ALS2: variants seen among roughly 807,000 people sequenced by gnomAD.
The protein encoded by ALS2 is alsin.
ALS2 carries 117 observed loss-of-function variants against 203.4 expected under a neutral mutation model. That is an observed-to-expected ratio of 0.58 (90% confidence interval 0.50 to 0.67). The LOEUF (loss-of-function observed/expected upper bound fraction) is 0.67, where lower values mean the gene tolerates loss of function less well. Ranked by LOEUF, ALS2 falls within the 30% of genes least tolerant of loss-of-function variation. ALS2 has a pLI of 0.00. For missense variants in ALS2, 1,715 were observed against 1,989.4 expected (o/e 0.86, Z 2.62); for synonymous variants, 718 against 725.9 (o/e 0.99, Z 0.17).
chr2:201,766,435 C>A (rs1244236491), intron 3 of ALS2, among the ~76,000 whole-genome samples: 4 of 151,740 alleles, frequency 2.6e-5, no homozygotes, highest in African/African-American at 9.7e-5. Flanking sequence ...CACCTGAGGT[C>A]AGGAGTTCAA....
At chr2:201,738,425 G>A in intron 12 of ALS2, 2 of 517,254 alleles carry the variant, frequency 3.9e-6, no homozygotes, top group South Asian at 2.1e-5. Context: ...AAAGTCTCAA[G>A]GATAGCACAG....
In ALS2 at chr2:201,707,942, CAG is replaced by C; in HGVS notation, c.4328_4329del (p.Ser1443CysfsTer20). ...GACTTCCTTTCGGTTGGCAGAGGAG[CAG>C]AGAGAGGAATTGTGCTGCCTTCTTC... is the stretch of plus-strand genomic sequence containing the variant. ...LPEEGSTIPL[S>X]APLPTERKSF... is the part of the protein sequence containing the mutation. On this transcript the variant is annotated frameshift_variant, in exon 28 of 34. Coordinates refer to ENST00000264276, the MANE Select transcript of ALS2 (RefSeq NM_020919.4). LOFTEE classifies it high-confidence loss of function. 1 of 1,613,340 alleles carries C rather than the reference CAG, an allele frequency of 6.2e-7. No individual in the cohort carries two copies. Among genetic ancestry groups the C allele is most frequent in the Non-Finnish European group, 8.5e-7 (1 of 1,179,526 alleles).
intron 23 of ALS2, 120 bp from the exon 24 acceptor site, chr2:201,718,330 G>C (rs918189973): frequency 1.8e-6 from 2 of 1,100,104 alleles, no homozygotes; most frequent in African/African-American, 3.1e-5. Context: ...TGCGATCTTG[G>C]CTCACTGCAA....
intron 8 of ALS2, 56 bp downstream of exon 8, chr2:201,749,656 T>C: frequency 1.5e-6 from 2 of 1,368,830 alleles, no homozygotes; most frequent in South Asian, 1.2e-5. Context: ...TGGAGAAGTA[T>C]AAGGTGTTAC....
chr2:201,766,843 G>GA (rs893867382), intron 3 of ALS2, among the ~76,000 whole-genome samples: 2 of 148,444 alleles, frequency 1.3e-5, no homozygotes, highest in Non-Finnish European at 3.0e-5. Context: ...ATCGCAAGGA[G>GA]AAAAAAACAA....
intron 9 of ALS2, among the ~76,000 whole-genome samples, chr2:201,744,882 A>G (rs536064399): frequency 7.9e-5 from 12 of 152,340 alleles, no homozygotes; most frequent in South Asian, 6.2e-4. Flanking sequence ...TCTCTATGCT[A>G]TATATTAAAA....
intron 23 of ALS2, among the ~76,000 whole-genome samples, chr2:201,720,608 G>A (rs534651605): frequency 6.6e-6 from 1 of 151,762 alleles, no homozygotes; most frequent in East Asian, 1.9e-4. Flanking sequence ...CAGTTACTTG[G>A]GGGGCTGAGG....
chr2:201,719,251 G>A (rs1690600997), intron 23 of ALS2, among the ~76,000 whole-genome samples: 1 of 152,176 alleles, frequency 6.6e-6, no homozygotes, highest in Non-Finnish European at 1.5e-5. Flanking sequence ...GGTCTTTTGG[G>A]AAGTGATTAG....
Position 201,777,345 on chromosome 2 carries a change from T to G in ALS2, c.-61+3532A>C, listed in dbSNP as rs572517351. Among the ~76,000 whole-genome samples, 3 of 151,892 alleles carry G rather than the reference T, an allele frequency of 2.0e-5. No homozygotes were observed. The East Asian group carries it at 5.8e-4, about 29-fold the overall frequency. On this transcript the variant is annotated intron_variant, in intron 1 of 33. Transcript: ENST00000264276. The stretch of plus-strand genomic sequence containing the variant: ...CTGTCTCCTCTCCTTAGAAAAGCTT[T>G]ACATAGTGGAGCTGCACTGGCACAT...
chr2:201,705,567 G>A, intron 29 of ALS2, 106 bp from the exon 30 acceptor site: 1 of 814,932 alleles, frequency 1.2e-6, no homozygotes, highest in Non-Finnish European at 2.1e-6. Flanking sequence ...CCATTAAAAA[G>A]AACTGCTCCA....
At chr2:201,732,626 A>C (rs1180468032) in intron 13 of ALS2, among the ~76,000 whole-genome samples, 3 of 152,198 alleles carry the variant, frequency 2.0e-5, no homozygotes, top group Non-Finnish European at 4.4e-5. Context: ...TGGAGTCATT[A>C]TAATTTTTCT....
chr2:201,702,490 CTA>C (rs1689454206), intron 33 of ALS2, among the ~76,000 whole-genome samples: 1 of 152,080 alleles, frequency 6.6e-6, no homozygotes, highest in African/African-American at 2.4e-5. Context: ...TTGTTGATAT[CTA>C]TGTTAGTAAC....
In ALS2 at chr2:201,723,376, T is replaced by C. The variant is rs1180461011; in HGVS notation, c.3578A>G (p.Gln1193Arg). 6.2e-7 allele frequency: 1 copy of C among 1,614,034 alleles called. No individual in the cohort carries two copies. Among genetic ancestry groups the C allele is most frequent in the African/African-American group, 1.3e-5 (1 of 74,942 alleles). ...GTTGCCCTCGTAGTATAATCCAAACTGGGTAACCACCACACCATTCCCTTG... is the reference window on the plus strand; with the variant it reads ...GTTGCCCTCGTAGTATAATCCAAACCGGGTAACCACCACACCATTCCCTTG... ...VCQGNGVVVT[Q>R]FGLYYEGNFH... is the part of the protein sequence containing the mutation. Residue 1193 changes from glutamine to arginine, a missense_variant, in exon 22 of 34, where the codon CAG becomes CGG. Coordinates refer to ENST00000264276, the MANE Select transcript of ALS2 (RefSeq NM_020919.4).
intron 1 of ALS2, among the ~76,000 whole-genome samples, chr2:201,770,965 TCATAACAATTTGTTG>T (rs1399625382): frequency 6.6e-6 from 1 of 152,210 alleles, no homozygotes. Context: ...GCCACTAAGT[TCATAACAATTTGTTG>T]CAGCTGCAGT....
At chr2:201,721,820 C>T (rs988850444) in intron 23 of ALS2, among the ~76,000 whole-genome samples, 3 of 152,064 alleles carry the variant, frequency 2.0e-5, no homozygotes, top group Admixed American at 6.6e-5. Flanking sequence ...CCCGCCACCA[C>T]GCCTGGCTAA....
chr2:201,759,185 C>T (rs1036389867), intron 4 of ALS2, among the ~76,000 whole-genome samples: 3 of 152,178 alleles, frequency 2.0e-5, no homozygotes, highest in African/African-American at 7.2e-5. Flanking sequence ...ACTGTTCTAA[C>T]TGGCTCCTTC....
At chr2:201,760,531 A>C (rs1353647461) in intron 4 of ALS2, 1 of 1,044,132 alleles carries the variant, frequency 9.6e-7, no homozygotes, top group African/African-American at 1.7e-5. Context: ...AAGTAAGAAG[A>C]ATCTTTGTGA....
Position 201,704,237 on chromosome 2 carries a change from G to T in ALS2, c.4839-19C>A. On this transcript the variant is annotated intron_variant, in intron 32 of 33. Transcript: ENST00000264276. ...CCTAATCCTGCCCCAGAGAGAAAAA[G>T]ATGCTGAGTTATTTTCACTTACATG... The T allele has an allele frequency of 6.2e-7, 1 of 1,603,564 alleles. No individual in the cohort carries two copies. Among genetic ancestry groups the T allele is most frequent in the Non-Finnish European group, 8.5e-7 (1 of 1,170,492 alleles).
chr2:201,743,148 T>C (rs1469196190), intron 10 of ALS2, among the ~76,000 whole-genome samples: 1 of 151,584 alleles, frequency 6.6e-6, no homozygotes, highest in Non-Finnish European at 1.5e-5. Context: ...AGTGATGTAC[T>C]AGAGAATTAA....
Sources: gnomAD v4.1 joint callset for allele counts (sites outside exome capture counted in the v4.1 genomes callset) on GRCh38, gnomAD v4.1.1 for gene constraint, MANE v1.5 for transcripts, NCBI Gene and HGNC (gene_info 2026-07-23, HGNC 2026-07-21) for gene names.